The following KAT2B variants were observed in gnomAD, a reference collection of about 807,000 sequenced individuals.
KAT2B encodes histone acetyltransferase KAT2B.
A neutral mutation model predicts 105.9 loss-of-function variants in KAT2B; 36 were observed. The observed-to-expected ratio is 0.34, with a 90% CI of 0.26 to 0.45. The LOEUF (loss-of-function observed/expected upper bound fraction) is 0.45, where lower values mean the gene tolerates loss of function less well. Ranked by LOEUF, KAT2B falls within the 20% of genes least tolerant of loss-of-function variation. The pLI, the probability that KAT2B is intolerant of heterozygous loss-of-function variation, is 1.00. For synonymous variants in KAT2B, 397 were observed against 377.9 expected (o/e 1.05, Z -0.59); for missense variants, 820 against 1,021.6 (o/e 0.80, Z 2.69).
intron 1 of KAT2B, among the ~76,000 whole-genome samples, chr3:20,060,258 G>A (rs1698076788): frequency 6.6e-6 from 1 of 152,140 alleles, no homozygotes; most frequent in South Asian, 2.1e-4. Flanking sequence ...TGGATTTGCT[G>A]GGTCATGTGG....
At chr3:20,127,681 A>G in intron 11 of KAT2B, 132 bp downstream of exon 11, 1 of 829,066 alleles carries the variant, frequency 1.2e-6, no homozygotes. Context: ...CTTTCTGGGA[A>G]TAGTCCTCTC....
intron 11 of KAT2B, among the ~76,000 whole-genome samples, chr3:20,132,099 G>C (rs1456844367): frequency 6.6e-6 from 1 of 152,164 alleles, no homozygotes; most frequent in Non-Finnish European, 1.5e-5. Flanking sequence ...TTTGGGCCAG[G>C]CGTGGTGGCT....
At chr3:20,057,825 A>G (rs980400280) in intron 1 of KAT2B, among the ~76,000 whole-genome samples, 16 of 152,134 alleles carry the variant, frequency 1.1e-4, no homozygotes, top group Non-Finnish European at 1.5e-4. Flanking sequence ...CAGCATCTTC[A>G]GAGAGCCTGC....
chr3:20,075,739 C>T (rs1027767074), intron 2 of KAT2B, among the ~76,000 whole-genome samples: 1 of 151,986 alleles, frequency 6.6e-6, no homozygotes, highest in Admixed American at 6.6e-5. Flanking sequence ...TCTCCAGGTG[C>T]ACGACCCCCC....
chr3:20,094,693 C>T (rs909341558), intron 2 of KAT2B, among the ~76,000 whole-genome samples: 2 of 151,972 alleles, frequency 1.3e-5, no homozygotes, highest in African/African-American at 2.4e-5. Context: ...TAAAATAGGC[C>T]GTGGGGACTT....
At chr3:20,150,091 G>T (rs1699846758) in intron 17 of KAT2B, among the ~76,000 whole-genome samples, 2 of 152,196 alleles carry the variant, frequency 1.3e-5, no homozygotes, top group African/African-American at 4.8e-5. Flanking sequence ...AACTTCTCCA[G>T]TTGGATACCA....
At chr3:20,085,564 G>C (rs1263836786) in intron 2 of KAT2B, among the ~76,000 whole-genome samples, 5 of 147,032 alleles carry the variant, frequency 3.4e-5, no homozygotes, top group Non-Finnish European at 7.4e-5. Flanking sequence ...AGGCTGGAGT[G>C]CAGTGGTGCA....
chr3:20,149,495 C>CAAAAAAAAAAAAAAAAGAAAAAA (rs1699834137), intron 17 of KAT2B, among the ~76,000 whole-genome samples: 1 of 42,448 alleles, frequency 2.4e-5, no homozygotes, highest in Non-Finnish European at 3.8e-5. Flanking sequence ...GACCGTATCT[C>CAAAAAAAAAAAAAAAAGAAAAAA]AAAAAAAAAA....
intron 6 of KAT2B, 137 bp downstream of exon 6, chr3:20,111,924 G>C: frequency 4.3e-6 from 3 of 690,770 alleles, no homozygotes; most frequent in Non-Finnish European, 7.1e-6. Context: ...AAGACCCTCA[G>C]TTCCCTTTGT....
intron 7 of KAT2B, among the ~76,000 whole-genome samples, chr3:20,115,679 A>G (rs1337704681): frequency 6.6e-6 from 1 of 152,198 alleles, no homozygotes. Context: ...CTGTGTTTTG[A>G]CAAACACATA....
At chr3:20,063,086 TAG>T (rs1698164811) in intron 1 of KAT2B, among the ~76,000 whole-genome samples, 1 of 152,114 alleles carries the variant, frequency 6.6e-6, no homozygotes. Flanking sequence ...TATTTATTTT[TAG>T]ACAGTATCTT....
chr3:20,102,938 TA>T (rs1474227748), intron 5 of KAT2B, among the ~76,000 whole-genome samples: 2 of 152,212 alleles, frequency 1.3e-5, no homozygotes, highest in Non-Finnish European at 2.9e-5. Context: ...AAGAATTGTA[TA>T]ATTTAAAATA....
At chr3:20,123,669 T>C (rs1312244241) in intron 9 of KAT2B, among the ~76,000 whole-genome samples, 1 of 152,234 alleles carries the variant, frequency 6.6e-6, no homozygotes. Context: ...AGTTAGGGAT[T>C]GTGCATTGCA....
chr3:20,072,405 C>A lies in KAT2B; in HGVS notation c.376C>A (p.Gln126Lys), dbSNP rs746964628. The change falls in exon 2 of 18, where the codon CAG (glutamine) becomes AAG (lysine). Residue 126 changes from glutamine (Q) to lysine (K), a missense_variant. Physicochemically the swap from Gln to Lys is moderately conservative, Grantham distance 53. Transcript: ENST00000263754. ...ACCCACTCCCCCCAGAGCCGACCTGCAGCAAATAATTGTCAGTCTAACAGA... is the reference window on the plus strand; with the variant it reads ...ACCCACTCCCCCCAGAGCCGACCTGAAGCAAATAATTGTCAGTCTAACAGA... Reference protein sequence around the residue: ...PSPTPPRADLQQIIVSLTESC... With the variant: ...PSPTPPRADLKQIIVSLTESC... The A allele has an allele frequency of 6.2e-7, 1 of 1,613,618 alleles. No homozygotes were observed. Among genetic ancestry groups the A allele is most frequent in the Non-Finnish European group, 8.5e-7 (1 of 1,179,532 alleles).
At chr3:20,091,013 A>T (rs1373198327) in intron 2 of KAT2B, among the ~76,000 whole-genome samples, 1 of 152,114 alleles carries the variant, frequency 6.6e-6, no homozygotes, top group Non-Finnish European at 1.5e-5. Flanking sequence ...CAGCCTCCTG[A>T]AGTGCTGGGA....
At chr3:20,144,016 A>C (rs913125004) in intron 13 of KAT2B, among the ~76,000 whole-genome samples, 1 of 152,096 alleles carries the variant, frequency 6.6e-6, no homozygotes. Context: ...CCTGTATCTA[A>C]AATGAAAACA....
chr3:20,118,445 G>C (rs534221114), intron 7 of KAT2B, among the ~76,000 whole-genome samples: 91 of 150,214 alleles, frequency 6.1e-4, no homozygotes, highest in African/African-American at 2.1e-3. Flanking sequence ...GGCCAGGCGT[G>C]GTGGCTGACA....
At chr3:20,145,025 C>T (rs1484475873) in intron 13 of KAT2B, among the ~76,000 whole-genome samples, 3 of 151,716 alleles carry the variant, frequency 2.0e-5, no homozygotes, top group Non-Finnish European at 2.9e-5. Context: ...TCGAGCTCCT[C>T]ACCTCAAGTG....
intron 12 of KAT2B, among the ~76,000 whole-genome samples, chr3:20,139,528 ACTG>A (rs1256319747): frequency 6.6e-6 from 1 of 152,098 alleles, no homozygotes; most frequent in African/African-American, 2.4e-5. Context: ...GAGGCAGTGA[ACTG>A]CTGGCGATGG....
Sources: allele counts gnomAD v4.1 joint callset (sites outside exome capture counted in the v4.1 genomes callset), GRCh38; gene constraint gnomAD v4.1.1; transcripts MANE v1.5; gene names NCBI Gene and HGNC (gene_info 2026-07-23, HGNC 2026-07-21).